The following ITCH variants were observed in gnomAD, a reference collection of about 807,000 sequenced individuals.
ITCH encodes the protein itchy E3 ubiquitin protein ligase.
A neutral mutation model predicts 126.8 loss-of-function variants in ITCH; 28 were observed. That is an observed-to-expected ratio of 0.22 (90% CI 0.16 to 0.30). The LOEUF (loss-of-function observed/expected upper bound fraction) is 0.30, where lower values mean the gene tolerates loss of function less well. Ranked by LOEUF, ITCH falls within the 10% of genes least tolerant of loss-of-function variation. The probability of loss-of-function intolerance (pLI) is 1.00; values close to 1 mark genes in which losing one functional copy is unlikely to be tolerated. For synonymous variants in ITCH, 342 were observed against 340.0 expected (o/e 1.01, Z -0.06); for missense variants, 631 against 1,032.4 (o/e 0.61, Z 5.33).
At chr20:34,395,382 T>C (rs1281969286) in intron 3 of ITCH, among the ~76,000 whole-genome samples, 1 of 152,144 alleles carries the variant, frequency 6.6e-6, no homozygotes, top group Non-Finnish European at 1.5e-5. Context: ...AGAAAACAAC[T>C]TCATGCTGTA....
chr20:34,424,974 A>G (rs1196416275), intron 7 of ITCH, among the ~76,000 whole-genome samples: 1 of 152,212 alleles, frequency 6.6e-6, no homozygotes, highest in Non-Finnish European at 1.5e-5. Flanking sequence ...TCATGTGCCT[A>G]TCTGCGTTCA....
At chr20:34,454,639 T>C (rs1985677764) in intron 12 of ITCH, 1 of 152,172 alleles carries the variant, frequency 6.6e-6, no homozygotes. Flanking sequence ...ACTCACTAGT[T>C]ACATCCATTT....
At chr20:34,374,992 C>T (rs569973686) in intron 2 of ITCH, among the ~76,000 whole-genome samples, 6 of 151,804 alleles carry the variant, frequency 4.0e-5, no homozygotes, top group East Asian at 1.9e-4. Context: ...CCACCCGCCT[C>T]GGCCTCCCAA....
At chr20:34,380,524 A>G (rs1480192113) in intron 2 of ITCH, among the ~76,000 whole-genome samples, 2 of 148,948 alleles carry the variant, frequency 1.3e-5, no homozygotes. Context: ...TAAATTCTGG[A>G]TACAACTCCT....
chr20:34,423,668 A>C (rs1003171718), intron 6 of ITCH, among the ~76,000 whole-genome samples: 1 of 151,970 alleles, frequency 6.6e-6, no homozygotes, highest in African/African-American at 2.4e-5. Flanking sequence ...CAATGGCGCG[A>C]TCTTGGCTCA....
At chr20:34,407,442 A>G (rs948056080) in intron 3 of ITCH, among the ~76,000 whole-genome samples, 1 of 151,754 alleles carries the variant, frequency 6.6e-6, no homozygotes, top group Middle Eastern at 3.2e-3. Context: ...AAGTTTTGAA[A>G]TTTTTTAGTA....
chr20:34,393,633 A>AAGGC (rs2038563558), intron 2 of ITCH, 158 bp from the exon 3 acceptor site: 1 of 661,888 alleles, frequency 1.5e-6, no homozygotes, highest in Non-Finnish European at 2.8e-6. Flanking sequence ...TTTTGCCAAT[A>AAGGC]AGTTAGGTAG....
At chr20:34,387,198 G>A (rs942885158) in intron 2 of ITCH, among the ~76,000 whole-genome samples, 4 of 151,982 alleles carry the variant, frequency 2.6e-5, no homozygotes, top group Non-Finnish European at 5.9e-5. Flanking sequence ...AGCTACTAGG[G>A]AGGCTGAGGC....
Position 34,413,739 on chromosome 20 carries a change from C to T in ITCH, c.338-3C>T, listed in dbSNP as rs1392853938. 3.1e-6 allele frequency: 5 copies of T among 1,591,778 alleles called. No individual in the cohort carries two copies. Among genetic ancestry groups the T allele is most frequent in the East Asian group, 2.3e-5 (1 of 44,354 alleles). ...TTTTTTCTGTAACTTTATTTTCTTC[C>T]AGTTGAAGAAGTAGTTGTGACTTTG... On this transcript the variant is annotated splice_polypyrimidine_tract_variant and splice_region_variant and intron_variant, in intron 5 of 24. Transcript: ENST00000374864.
intron 7 of ITCH, among the ~76,000 whole-genome samples, chr20:34,436,519 C>G (rs530691794): frequency 1.8e-4 from 28 of 152,322 alleles, no homozygotes; most frequent in African/African-American, 6.5e-4. Context: ...AAAGCTGACT[C>G]TTCCTGCATT....
intron 24 of ITCH, among the ~76,000 whole-genome samples, chr20:34,505,015 T>G (rs1176361050): frequency 2.0e-5 from 3 of 152,130 alleles, no homozygotes; most frequent in South Asian, 4.1e-4. Flanking sequence ...ATTATGCAGT[T>G]CGGTTCAGTG....
chr20:34,413,208 G>T (rs1471357793), intron 5 of ITCH, among the ~76,000 whole-genome samples: 1 of 152,032 alleles, frequency 6.6e-6, no homozygotes, highest in South Asian at 2.1e-4. Flanking sequence ...TTTTAAAAAT[G>T]TCCTCATTTT....
intron 2 of ITCH, among the ~76,000 whole-genome samples, chr20:34,373,924 C>T (rs1449942268): frequency 1.3e-5 from 2 of 149,454 alleles, no homozygotes; most frequent in Admixed American, 6.7e-5. Context: ...CTTGCTTTGT[C>T]GCCAGGCTGG....
intron 12 of ITCH, among the ~76,000 whole-genome samples, chr20:34,455,550 C>T (rs950590248): frequency 4.0e-5 from 6 of 151,238 alleles, no homozygotes; most frequent in Middle Eastern, 3.4e-3. Context: ...GTAACCTCTG[C>T]GTCCCGGGTT....
intron 23 of ITCH, among the ~76,000 whole-genome samples, chr20:34,499,272 CTTTTTTTTTTTTTT>C (rs386393666): frequency 0.03 from 701 of 23,022 alleles, 12 homozygotes; most frequent in African/African-American, 0.1. Flanking sequence ...CTGTGCCCAG[CTTTTTTTTTTTTTT>C]TTTTTTTTTT....
intron 12 of ITCH, among the ~76,000 whole-genome samples, chr20:34,452,305 A>G (rs1194987116): frequency 1.3e-5 from 2 of 152,122 alleles, no homozygotes; most frequent in Non-Finnish European, 2.9e-5. Context: ...TCTCATTTTT[A>G]CTTTAGCCAA....
At chr20:34,372,312 C>CCA (rs2037666417) in intron 2 of ITCH, among the ~76,000 whole-genome samples, 1 of 73,100 alleles carries the variant, frequency 1.4e-5, no homozygotes, top group Non-Finnish European at 2.4e-5. Flanking sequence ...TACTTTGTCT[C>CCA]AAAAAAAAAA....
At chr20:34,377,508 T>G (rs2037891632) in intron 2 of ITCH, among the ~76,000 whole-genome samples, 1 of 152,164 alleles carries the variant, frequency 6.6e-6, no homozygotes, top group African/African-American at 2.4e-5. Flanking sequence ...TTACCAAGGT[T>G]TGGAAACAAT....
At chr20:34,476,060 C>A (rs1008790880) in intron 16 of ITCH, 5 of 1,227,544 alleles carry the variant, frequency 4.1e-6, no homozygotes, top group Non-Finnish European at 6.0e-6. Flanking sequence ...TATGCCAGAT[C>A]GAGCATGTGA....
Sources: gnomAD v4.1 joint callset for allele counts (sites outside exome capture counted in the v4.1 genomes callset) on GRCh38, gnomAD v4.1.1 for gene constraint, MANE v1.5 for transcripts, NCBI Gene and HGNC (gene_info 2026-07-23, HGNC 2026-07-21) for gene names.